Variants in KAZN observed in about 807,000 individuals in gnomAD.
The protein encoded by KAZN is kazrin.
A neutral mutation model predicts 87.4 loss-of-function variants in KAZN; 40 were observed. The observed-to-expected ratio is 0.46, with a 90% CI of 0.36 to 0.60. The LOEUF (loss-of-function observed/expected upper bound fraction) is 0.60, where lower values mean the gene tolerates loss of function less well. Ranked by LOEUF, KAZN falls within the 20% of genes least tolerant of loss-of-function variation. The probability of loss-of-function intolerance (pLI) is 0.00; values close to 1 mark genes in which losing one functional copy is unlikely to be tolerated. For synonymous variants in KAZN, 466 were observed against 458.3 expected, an observed-to-expected ratio of 1.02 and a Z score of -0.22; for missense variants, 898 against 1,073.9, an observed-to-expected ratio of 0.84 and a Z score of 2.29.
intron 2 of KAZN, among the ~76,000 whole-genome samples, chr1:14,561,966 T>C (rs984387335): frequency 6.6e-6 from 1 of 151,366 alleles, no homozygotes; most frequent in Admixed American, 6.6e-5. Flanking sequence ...TGAAGAAAAG[T>C]GGCTCCCCAG....
At chr1:14,734,200 C>G (rs1643812972) in intron 1 of KAZN, among the ~76,000 whole-genome samples, 1 of 152,190 alleles carries the variant, frequency 6.6e-6, no homozygotes, top group South Asian at 2.1e-4. Context: ...CAGTGTTTCT[C>G]AAACTGTACA....
intron 1 of KAZN, among the ~76,000 whole-genome samples, chr1:14,714,496 G>T (rs1642675262): frequency 6.6e-6 from 1 of 152,150 alleles, no homozygotes; most frequent in Non-Finnish European, 1.5e-5. Flanking sequence ...CATAATTAAG[G>T]CGGAAGTCCA....
chr1:14,818,949 G>A (rs1557521679), intron 1 of KAZN, among the ~76,000 whole-genome samples: 1 of 152,180 alleles, frequency 6.6e-6, no homozygotes, highest in South Asian at 2.1e-4. Flanking sequence ...CAGCTGCCTG[G>A]GAGGCTGAGG....
Position 14,059,881 on chromosome 1 carries a change from A to G in KAZN, c.92-120554A>G, listed in dbSNP as rs528364067. Among the ~76,000 whole-genome samples the G allele has an allele frequency of 3.9e-5, 6 of 152,270 alleles. No individual in the cohort carries two copies. The South Asian group carries it at 1.0e-3, about 26-fold the overall frequency. ...TTCTAAATCCCTTCATTGGGTCACAATGGCCTAGACTATTTCCCCTGCTTT... is the reference window on the plus strand; with the variant it reads ...TTCTAAATCCCTTCATTGGGTCACAGTGGCCTAGACTATTTCCCCTGCTTT... On this transcript the variant is annotated intron_variant, in intron 1 of 16. Coordinates refer to the KAZN transcript ENST00000636203.
intron 1 of KAZN, among the ~76,000 whole-genome samples, chr1:13,949,244 A>G (rs1458989278): frequency 6.6e-6 from 1 of 152,188 alleles, no homozygotes; most frequent in East Asian, 1.9e-4. Context: ...TAATTATTGC[A>G]AAACATCTGC....
intron 1 of KAZN, among the ~76,000 whole-genome samples, chr1:14,897,242 C>T (rs544750909): frequency 1.3e-5 from 2 of 152,290 alleles, no homozygotes; most frequent in South Asian, 4.2e-4. Context: ...CAGCTCAGAG[C>T]AAACCACTCC....
intron 2 of KAZN, among the ~76,000 whole-genome samples, chr1:14,418,061 T>G (rs1664971414): frequency 7.9e-6 from 1 of 125,936 alleles, no homozygotes. Context: ...TCGAAAGATT[T>G]GCCATCTCTA....
At position 14,856,435 on chromosome 1, in the gene KAZN, G is replaced by C. The variant is rs1650116065; in HGVS notation, c.227-104249G>C. ...TATTTCCATAGGTGGCATAGCTAAAGACATTACAAAGGGCTGGGAATTAAT... is the reference window on the plus strand; with the variant it reads ...TATTTCCATAGGTGGCATAGCTAAACACATTACAAAGGGCTGGGAATTAAT... On this transcript the variant is annotated intron_variant, in intron 1 of 14. Coordinates refer to ENST00000376030, the MANE Select transcript of KAZN (RefSeq NM_201628.3). The surrounding 1 kb of genome is among the most constrained non-coding windows in gnomAD (Gnocchi z 5.2). 6.6e-6 allele frequency among the ~76,000 whole-genome samples: 1 copy of C among 152,178 alleles called. No homozygotes were observed. Among genetic ancestry groups the C allele is most frequent in the Non-Finnish European group, 1.5e-5 (1 of 68,022 alleles).
At chr1:14,109,454 C>A (rs919985386) in intron 1 of KAZN, among the ~76,000 whole-genome samples, 2 of 152,042 alleles carry the variant, frequency 1.3e-5, no homozygotes, top group African/African-American at 4.8e-5. Flanking sequence ...TGTGTTGAAA[C>A]CTCCTTTGTC....
chr1:14,041,325 A>G (rs1317125481), intron 1 of KAZN, among the ~76,000 whole-genome samples: 1 of 152,142 alleles, frequency 6.6e-6, no homozygotes, highest in Non-Finnish European at 1.5e-5. Context: ...GATATTGTTT[A>G]CTTCTAAGCC....
chr1:14,941,265 A>G (rs1262378806), intron 1 of KAZN, among the ~76,000 whole-genome samples: 1 of 152,054 alleles, frequency 6.6e-6, no homozygotes, highest in Non-Finnish European at 1.5e-5. Flanking sequence ...CCCCAGTGCC[A>G]TCAGGTCAAA....
intron 1 of KAZN, among the ~76,000 whole-genome samples, chr1:13,919,388 C>A (rs1388725288): frequency 2.0e-5 from 3 of 152,200 alleles, no homozygotes; most frequent in African/African-American, 7.2e-5. Context: ...GTAGTTGGCT[C>A]TTTTTCATTA....
chr1:14,779,541 G>A (rs1345564663), intron 1 of KAZN, among the ~76,000 whole-genome samples: 3 of 151,476 alleles, frequency 2.0e-5, no homozygotes, highest in African/African-American at 4.9e-5. Flanking sequence ...GATTGACATC[G>A]GCCCCTGACC....
chr1:14,515,342 C>T (rs1354777633), intron 2 of KAZN, among the ~76,000 whole-genome samples: 1 of 152,146 alleles, frequency 6.6e-6, no homozygotes, highest in African/African-American at 2.4e-5. Flanking sequence ...CCAATCCAAT[C>T]GCTGTAGGAA....
At chr1:13,992,294 T>C (rs577093934) in intron 1 of KAZN, among the ~76,000 whole-genome samples, 2 of 151,388 alleles carry the variant, frequency 1.3e-5, no homozygotes, top group Non-Finnish European at 2.9e-5. Context: ...TGAATCTTTA[T>C]TTTTTTTTCT....
intron 2 of KAZN, among the ~76,000 whole-genome samples, chr1:14,246,491 TTTTTA>T (rs140002182): frequency 0.18 from 27,905 of 152,020 alleles, 3,240 homozygotes; most frequent in Middle Eastern, 0.35. Context: ...TCATATAATC[TTTTTA>T]TTTTTTGTTT....
Position 15,110,715 on chromosome 1 carries a change from C to T in KAZN, c.2049-1712C>T, listed in dbSNP as rs1039448322. 2.0e-5 allele frequency among the ~76,000 whole-genome samples: 3 copies of T among 152,366 alleles called. No homozygotes were observed. In the South Asian group the frequency reaches 6.2e-4, roughly 32 times the overall value. ...GCCCACACGTGCGACCACTGTCCTA[C>T]CCTAAATCCCAAAGTGGGAAGGCCG... is the stretch of plus-strand genomic sequence containing the variant. On this transcript the variant is annotated intron_variant, in intron 13 of 14. Transcript: ENST00000376030.
chr1:13,912,282 C>G (rs780877368), intron 1 of KAZN, among the ~76,000 whole-genome samples: 1 of 152,112 alleles, frequency 6.6e-6, no homozygotes, highest in East Asian at 1.9e-4. Flanking sequence ...CTAATGAGTC[C>G]GCGGCAGTTC....
At chr1:15,098,700 C>G (rs572917568) in intron 10 of KAZN, among the ~76,000 whole-genome samples, 9 of 152,338 alleles carry the variant, frequency 5.9e-5, no homozygotes, top group African/African-American at 2.2e-4. Context: ...GGGGGACTGC[C>G]CCAGGACCTT....
Sources: gnomAD v4.1 joint callset for allele counts (sites outside exome capture counted in the v4.1 genomes callset) on GRCh38, gnomAD v4.1.1 for gene constraint, Gnocchi (gnomAD v3.1) non-coding constraint, MANE v1.5 for transcripts, NCBI Gene and HGNC (gene_info 2026-07-23, HGNC 2026-07-21) for gene names.